The following CLN6 variants were observed in gnomAD, a reference collection of about 807,000 sequenced individuals.
CLN6 encodes ceroid-lipofuscinosis neuronal protein 6.
Under a neutral mutation model 33.3 loss-of-function variants are expected in CLN6, and 22 were observed. That is an observed-to-expected ratio of 0.66 (90% CI 0.47 to 0.94). CLN6 has a LOEUF of 0.94. CLN6 is among the 40% of genes least tolerant of loss of function. CLN6 has a pLI of 0.00. For missense variants in CLN6, 387 were observed against 417.1 expected (o/e 0.93, Z 0.63); for synonymous variants, 201 against 174.6 (o/e 1.15, Z -1.19).
upstream of CLN6, chr15:68,229,832 T>C: frequency 3.9e-6 from 1 of 254,402 alleles, no homozygotes; most frequent in Non-Finnish European, 7.0e-6. Context: ...GGCCGGGCGC[T>C]GCGAGTGTGG....
rs1024665053 is a variant in CLN6, at chr15:68,229,611, G to T, written c.-27C>A. The T allele has an allele frequency of 5.2e-5, 75 of 1,445,504 alleles. No homozygotes were observed. Among genetic ancestry groups the T allele is most frequent in the Non-Finnish European group, 6.5e-5 (72 of 1,100,412 alleles). 89.5% of individuals were successfully genotyped at this position (1,445,504 alleles called of 1,614,324 possible). A position where few individuals can be genotyped will look rare whatever the true frequency, so the allele number is the denominator to read the frequency against. On this transcript the variant is annotated 5_prime_UTR_variant, in exon 1 of 7. Coordinates refer to ENST00000249806, the MANE Select transcript of CLN6 (RefSeq NM_017882.3). The stretch of plus-strand genomic sequence containing the variant: ...GCTGCCCCGCAGGCCCCTCGGCCCT[G>T]CCTTTCCGAGGAAGAGACCGGTTCA...
At chr15:68,229,325 A>T (rs2093261384) in intron 1 of CLN6, among the ~76,000 whole-genome samples, 177 bp downstream of exon 1, 1 of 152,166 alleles carries the variant, frequency 6.6e-6, no homozygotes, top group Non-Finnish European at 1.5e-5. Flanking sequence ...CAGAGAAGGA[A>T]ACGCGGGGGC....
rs575647848 is a variant in CLN6, at chr15:68,210,906, T to A, written c.542+357A>T. On this transcript the variant is annotated intron_variant, in intron 5 of 6. Coordinates refer to ENST00000249806, the MANE Select transcript of CLN6 (RefSeq NM_017882.3). The surrounding 1 kb of genome is among the most constrained non-coding windows in gnomAD (Gnocchi z 5.6). ...CTGCCATCACCATCTGGGGGTTGTTTATCAGGGACGCGTCCTCCTCCCCCA... is the reference window on the plus strand; with the variant it reads ...CTGCCATCACCATCTGGGGGTTGTTAATCAGGGACGCGTCCTCCTCCCCCA... Among the ~76,000 whole-genome samples the A allele has an allele frequency of 6.6e-6, 1 of 152,168 alleles. No homozygotes were observed. Among genetic ancestry groups the A allele is most frequent in the African/African-American group, 2.4e-5 (1 of 41,530 alleles).
At chr15:68,230,120 T>C (rs912100684), upstream of CLN6, among the ~76,000 whole-genome samples, 1 of 152,076 alleles carries the variant, frequency 6.6e-6, no homozygotes, top group Non-Finnish European at 1.5e-5. This position sits in a 1 kb window ranked among gnomAD's most constrained non-coding sequence, Gnocchi z 4.0. Flanking sequence ...ACCCGCGTGG[T>C]GCAGCACGTG....
chr15:68,216,181 G>A (rs920327015), intron 2 of CLN6, among the ~76,000 whole-genome samples: 1 of 152,132 alleles, frequency 6.6e-6, no homozygotes, highest in Non-Finnish European at 1.5e-5. Context: ...GGGTCCTAGT[G>A]AGTGAAGGGA....
At position 68,240,998 on chromosome 15, in the gene CLN6, C is replaced by CA. The variant is rs990023121; in HGVS notation, c.179+15691dup. Among the ~76,000 whole-genome samples, 853 of 124,666 alleles carry CA rather than the reference C, an allele frequency of 6.8e-3. 22 individuals are homozygous for CA. In the South Asian group the frequency reaches 0.095, roughly 14 times the overall value. 81.8% of individuals were successfully genotyped at this position (124,666 alleles called of 152,430 possible). A position where few individuals can be genotyped will look rare whatever the true frequency, so the allele number is the denominator to read the frequency against. On this transcript the variant is annotated intron_variant, in intron 1 of 6. Coordinates refer to the CLN6 transcript ENST00000538696. ...GCCTCCATCTCCCAAAAAAAAAAAACAAAAAAAAAAACACAGTAGCATTCA... is the reference window on the plus strand; with the variant it reads ...GCCTCCATCTCCCAAAAAAAAAAAACAAAAAAAAAAAACACAGTAGCATTCA...
At chr15:68,253,743 CT>C (rs1165210300) in intron 1 of CLN6, among the ~76,000 whole-genome samples, 1 of 152,186 alleles carries the variant, frequency 6.6e-6, no homozygotes, top group Admixed American at 6.5e-5. Context: ...GCAGATACTT[CT>C]TTTTTAGCCG....
chr15:68,208,094 G>GGGGC lies in CLN6; in HGVS notation c.*45_*46insGCCC. 31 of 1,375,264 alleles carry GGGGC rather than the reference G, an allele frequency of 2.3e-5. No individual in the cohort carries two copies. The highest frequency in any genetic ancestry group is 2.5e-5 in the East Asian group (1 of 39,906). The allele number at this position is 1,375,264 out of a possible 1,614,324, so 85.2% of individuals were successfully genotyped here. ...CTCCTGTATTCAGATGCCCTCCATGGCCCACCCTCCCACCCAGCAGAGCGC... is the reference window on the plus strand; with the variant it reads ...CTCCTGTATTCAGATGCCCTCCATGGGGGCCCCACCCTCCCACCCAGCAGAGCGC... On this transcript the variant is annotated 3_prime_UTR_variant, in exon 7 of 7. Coordinates refer to ENST00000249806, the MANE Select transcript of CLN6 (RefSeq NM_017882.3). The surrounding 1 kb of genome is among the most constrained non-coding windows in gnomAD (Gnocchi z 5.8).
chr15:68,232,344 A>G (rs1419820471), upstream of CLN6, among the ~76,000 whole-genome samples: 1 of 152,042 alleles, frequency 6.6e-6, no homozygotes, highest in East Asian at 1.9e-4. This position sits in a 1 kb window ranked among gnomAD's most constrained non-coding sequence, Gnocchi z 4.7. Flanking sequence ...TTTTTAGTAG[A>G]GACGGGGTTT....
At chr15:68,214,544 C>T (rs2093215461) in intron 2 of CLN6, 156 bp from the exon 3 acceptor site, 4 of 648,280 alleles carry the variant, frequency 6.2e-6, no homozygotes, top group South Asian at 1.6e-5. Flanking sequence ...TGGACCTTCT[C>T]GGCAGCCTTG....
chr15:68,237,792 A>G (rs925772787), intron 1 of CLN6, among the ~76,000 whole-genome samples: 1 of 152,230 alleles, frequency 6.6e-6, no homozygotes, highest in African/African-American at 2.4e-5. Context: ...CTAATAAAAG[A>G]CATGAGCCCA....
intron 3 of CLN6, 159 bp downstream of exon 3, chr15:68,214,131 C>A (rs569041237): frequency 9.5e-6 from 6 of 634,406 alleles, no homozygotes; most frequent in Non-Finnish European, 1.7e-5. Flanking sequence ...CCGCCTTCCC[C>A]GGGCCCCAGG....
Position 68,214,341 on chromosome 15 carries a change from C to T in CLN6, c.246G>A (p.Gly82=). Reference sequence around the variant, plus strand: ...CGTTGTAGGCCATGTGGAAGTAGTCCCCAACACTGGGCTTGTTGAGTGGAA... The same window carrying T: ...CGTTGTAGGCCATGTGGAAGTAGTCTCCAACACTGGGCTTGTTGAGTGGAA... ...EWFPLNKPSV[G]DYFHMAYNVI... is the part of the protein sequence containing the mutation. Residue 82 remains glycine, a synonymous_variant, in exon 3 of 7, where the codon GGG becomes GGA. Coordinates refer to ENST00000249806, the MANE Select transcript of CLN6 (RefSeq NM_017882.3). 6.2e-7 allele frequency: 1 copy of T among 1,614,142 alleles called. No homozygotes were observed. The highest frequency in any genetic ancestry group is 1.7e-5 in the Admixed American group (1 of 60,030).
At chr15:68,248,153 C>T (rs762867750) in intron 1 of CLN6, among the ~76,000 whole-genome samples, 4 of 151,842 alleles carry the variant, frequency 2.6e-5, no homozygotes, top group Non-Finnish European at 5.9e-5. Context: ...ACTAATGGAA[C>T]AGAACAGAGA....
At chr15:68,223,254 G>A (rs1372365592) in intron 1 of CLN6, among the ~76,000 whole-genome samples, 1 of 152,190 alleles carries the variant, frequency 6.6e-6, no homozygotes, top group Non-Finnish European at 1.5e-5. Flanking sequence ...GCAGGGTAAA[G>A]GCCTGGAGGT....
chr15:68,254,794 A>G (rs1410340160), intron 1 of CLN6: 25 of 996,392 alleles, frequency 2.5e-5, no homozygotes, highest in Non-Finnish European at 3.8e-5. Flanking sequence ...AGGTACCAAA[A>G]GGGAAAAGGG....
chr15:68,216,418 A>G (rs1018525683), intron 2 of CLN6, among the ~76,000 whole-genome samples: 6 of 152,106 alleles, frequency 3.9e-5, no homozygotes, highest in African/African-American at 1.4e-4. Context: ...TTATTTTTCC[A>G]CATTTAAAAG....
chr15:68,231,880 C>T (rs925318869), upstream of CLN6, among the ~76,000 whole-genome samples: 3 of 152,210 alleles, frequency 2.0e-5, no homozygotes, highest in African/African-American at 7.2e-5. Flanking sequence ...TTTAAAAACA[C>T]CATCTTCATT....
Position 68,208,094 on chromosome 15 carries a change from G to GGGCCCCCCCCCCCCCCCC in CLN6, c.*45_*46insGGGGGGGGGGGGGGGGCC. 3.1e-5 allele frequency: 43 copies of GGGCCCCCCCCCCCCCCCC among 1,375,274 alleles called. No homozygotes were observed. Among genetic ancestry groups the GGGCCCCCCCCCCCCCCCC allele is most frequent in the Non-Finnish European group, 4.1e-5 (41 of 992,020 alleles). The allele number at this position is 1,375,274 out of a possible 1,614,324, so 85.2% of individuals were successfully genotyped here. A position where few individuals can be genotyped will look rare whatever the true frequency, so the allele number is the denominator to read the frequency against. ...CTCCTGTATTCAGATGCCCTCCATG[G>GGGCCCCCCCCCCCCCCCC]CCCACCCTCCCACCCAGCAGAGCGC... On this transcript the variant is annotated 3_prime_UTR_variant, in exon 7 of 7. Transcript: ENST00000249806. This position sits in a 1 kb window ranked among gnomAD's most constrained non-coding sequence, Gnocchi z 5.8.
Sources: allele counts gnomAD v4.1 joint callset (sites outside exome capture counted in the v4.1 genomes callset), GRCh38; gene constraint gnomAD v4.1.1; non-coding constraint Gnocchi (gnomAD v3.1); transcripts MANE v1.5; gene names NCBI Gene and HGNC (gene_info 2026-07-23, HGNC 2026-07-21).